PDGFC: variants seen among roughly 807,000 people sequenced by gnomAD.
The protein encoded by PDGFC is platelet derived growth factor C.
In PDGFC, 12 loss-of-function variants were observed where a neutral mutation model predicts 35.5. The observed-to-expected ratio is 0.34, with a 90% confidence interval of 0.22 to 0.55. The LOEUF (loss-of-function observed/expected upper bound fraction) is 0.55. Ranked by LOEUF, PDGFC falls within the 20% of genes least tolerant of loss-of-function variation. The probability of loss-of-function intolerance (pLI) is 0.91; values close to 1 mark genes in which losing one functional copy is unlikely to be tolerated. For synonymous variants in PDGFC, 159 were observed against 148.8 expected, an observed-to-expected ratio of 1.07 and a Z score of -0.50; for missense variants, 322 against 412.4, an observed-to-expected ratio of 0.78 and a Z score of 1.90.
intron 2 of PDGFC, among the ~76,000 whole-genome samples, chr4:156,836,747 A>C (rs1373998519): frequency 6.6e-6 from 1 of 152,244 alleles, no homozygotes; most frequent in Non-Finnish European, 1.5e-5. Flanking sequence ...ACTTGGAAGG[A>C]CTTTGTTAAA....
At chr4:156,813,222 AG>A (rs1731988921) in intron 2 of PDGFC, among the ~76,000 whole-genome samples, 1 of 152,106 alleles carries the variant, frequency 6.6e-6, no homozygotes, top group African/African-American at 2.4e-5. Flanking sequence ...TCTATTCATA[AG>A]GATCTGTTTG....
chr4:156,905,715 T>C (rs1446050512), intron 1 of PDGFC, among the ~76,000 whole-genome samples: 1 of 152,132 alleles, frequency 6.6e-6, no homozygotes, highest in Non-Finnish European at 1.5e-5. Context: ...AAAGAAACAC[T>C]ATTTGCCCAG....
chr4:156,952,174 A>T (rs1732099760), intron 1 of PDGFC, among the ~76,000 whole-genome samples: 1 of 151,856 alleles, frequency 6.6e-6, no homozygotes, highest in African/African-American at 2.4e-5. Flanking sequence ...ACCTTTTGCT[A>T]CATACCTGAT....
chr4:156,806,856 C>G (rs190587140), intron 3 of PDGFC, among the ~76,000 whole-genome samples: 21 of 152,072 alleles, frequency 1.4e-4, no homozygotes, highest in African/African-American at 5.1e-4. Context: ...ATAAATTACT[C>G]CAAAATTAAA....
At chr4:156,862,524 A>G (rs917321264) in intron 1 of PDGFC, among the ~76,000 whole-genome samples, 4 of 152,188 alleles carry the variant, frequency 2.6e-5, no homozygotes, top group Non-Finnish European at 5.9e-5. Context: ...AGGCAAAGTC[A>G]AAGTTTTAAT....
At chr4:156,939,002 G>A (rs1300202009) in intron 1 of PDGFC, among the ~76,000 whole-genome samples, 1 of 151,790 alleles carries the variant, frequency 6.6e-6, no homozygotes, top group East Asian at 1.9e-4. Flanking sequence ...TTAACAAGAG[G>A]TCAAAACCAG....
chr4:156,881,553 C>T (rs1730242158), intron 1 of PDGFC, among the ~76,000 whole-genome samples: 1 of 152,064 alleles, frequency 6.6e-6, no homozygotes, highest in Non-Finnish European at 1.5e-5. Context: ...CAATAACTCT[C>T]ACAAGATCTG....
intron 2 of PDGFC, chr4:156,835,951 C>T (rs929160086): frequency 1.3e-5 from 2 of 152,198 alleles, no homozygotes; most frequent in African/African-American, 4.8e-5. Flanking sequence ...TCCTCAGAGT[C>T]TCCTGTGGGA....
intron 2 of PDGFC, among the ~76,000 whole-genome samples, chr4:156,837,037 A>T (rs1345421725): frequency 6.6e-6 from 1 of 152,180 alleles, no homozygotes; most frequent in East Asian, 1.9e-4. Context: ...TCAAGAATTA[A>T]CAAGGTCAGG....
intron 1 of PDGFC, among the ~76,000 whole-genome samples, chr4:156,863,299 C>T (rs1052515794): frequency 3.0e-4 from 45 of 152,184 alleles, no homozygotes; most frequent in African/African-American, 1.1e-3. Flanking sequence ...ACCTTCAATA[C>T]AAATCTTTTG....
chr4:156,825,569 T>TAAGAAG (rs1560828215), intron 2 of PDGFC, among the ~76,000 whole-genome samples: 11 of 89,806 alleles, frequency 1.2e-4, no homozygotes, highest in Admixed American at 2.4e-4. Context: ...ATAATAATAA[T>TAAGAAG]AATAATAATA....
At chr4:156,955,220 C>T (rs1732179157) in intron 1 of PDGFC, among the ~76,000 whole-genome samples, 1 of 151,968 alleles carries the variant, frequency 6.6e-6, no homozygotes, top group Non-Finnish European at 1.5e-5. Flanking sequence ...GGCACTAACT[C>T]ACTTGGCTAT....
At chr4:156,893,069 C>T (rs982698558) in intron 1 of PDGFC, among the ~76,000 whole-genome samples, 2 of 151,992 alleles carry the variant, frequency 1.3e-5, no homozygotes, top group African/African-American at 4.8e-5. Context: ...AATGATCTAC[C>T]CCTTATATTT....
rs571536734 is a variant in PDGFC, at chr4:156,865,308, C to A, written c.119-14892G>T. 2.0e-5 allele frequency among the ~76,000 whole-genome samples: 3 copies of A among 152,098 alleles called. No individual in the cohort carries two copies. The South Asian group carries it at 6.2e-4, about 32-fold the overall frequency. ...TAACTCTATAAAATTAGTTGATATA[C>A]TGTCAGGAAAAACGCATATCCAATG... is the stretch of plus-strand genomic sequence containing the variant. On this transcript the variant is annotated intron_variant, in intron 1 of 5. Coordinates refer to ENST00000502773, the MANE Select transcript of PDGFC (RefSeq NM_016205.3).
At chr4:156,842,628 A>G (rs755744567) in intron 2 of PDGFC, among the ~76,000 whole-genome samples, 1 of 152,166 alleles carries the variant, frequency 6.6e-6, no homozygotes, top group Non-Finnish European at 1.5e-5. Context: ...CAAATCTCTC[A>G]GCTTAGTAGT....
At chr4:156,886,207 T>A (rs1263136921) in intron 1 of PDGFC, among the ~76,000 whole-genome samples, 2 of 152,172 alleles carry the variant, frequency 1.3e-5, no homozygotes, top group African/African-American at 2.4e-5. Flanking sequence ...CAAATTCTTA[T>A]ACATAATATC....
intron 1 of PDGFC, among the ~76,000 whole-genome samples, chr4:156,898,554 T>A (rs1730689404): frequency 6.6e-6 from 1 of 152,210 alleles, no homozygotes; most frequent in African/African-American, 2.4e-5. Context: ...GTTTGCTCTG[T>A]CATTTTTGTT....
intron 1 of PDGFC, among the ~76,000 whole-genome samples, chr4:156,968,035 A>G (rs1388444495): frequency 5.3e-5 from 8 of 152,228 alleles, no homozygotes; most frequent in Admixed American, 5.2e-4. Flanking sequence ...AATAGTGTAA[A>G]TGACACTAAC....
chr4:156,815,908 T>C (rs1049430673), intron 2 of PDGFC, among the ~76,000 whole-genome samples: 3 of 152,152 alleles, frequency 2.0e-5, no homozygotes, highest in African/African-American at 4.8e-5. Flanking sequence ...TAATGATCAC[T>C]CCCTTTCTCT....
Sources: allele counts gnomAD v4.1 joint callset (sites outside exome capture counted in the v4.1 genomes callset), GRCh38; gene constraint gnomAD v4.1.1; transcripts MANE v1.5; gene names NCBI Gene and HGNC (gene_info 2026-07-23, HGNC 2026-07-21).